ADGRL2: variants seen among roughly 807,000 people sequenced by gnomAD.
ADGRL2 encodes the protein adhesion G protein-coupled receptor L2, also known as calcium-independent alpha-latrotoxin receptor 2.
In ADGRL2, 44 loss-of-function variants were observed where a neutral mutation model predicts 157.4. The ratio of observed to expected loss-of-function variants is 0.28; its 90% CI spans 0.22 to 0.36. ADGRL2 has a LOEUF of 0.36. ADGRL2 is among the 10% of genes least tolerant of loss of function. The probability of loss-of-function intolerance (pLI) is 1.00; values close to 1 mark genes in which losing one functional copy is unlikely to be tolerated. For missense variants in ADGRL2, 1,510 were observed against 1,768.9 expected, an observed-to-expected ratio of 0.85 and a Z score of 2.63; for synonymous variants, 585 against 624.7, an observed-to-expected ratio of 0.94 and a Z score of 0.95.
intron 3 of ADGRL2, among the ~76,000 whole-genome samples, chr1:81,599,647 C>G (rs1318948095): frequency 6.6e-6 from 1 of 152,152 alleles, no homozygotes; most frequent in Admixed American, 6.5e-5. Context: ...AATAATTCAT[C>G]TTTCCATACA....
intron 1 of ADGRL2, among the ~76,000 whole-genome samples, chr1:81,444,601 G>A (rs1047614957): frequency 2.0e-5 from 3 of 152,138 alleles, no homozygotes; most frequent in African/African-American, 4.8e-5. Context: ...ACAGGGTTCC[G>A]AAGAATGGTG....
chr1:81,434,268 T>C (rs2077371651), intron 1 of ADGRL2, among the ~76,000 whole-genome samples: 1 of 152,234 alleles, frequency 6.6e-6, no homozygotes, highest in Admixed American at 6.5e-5. Flanking sequence ...TTAATCTTTG[T>C]AATGTACTCA....
intron 1 of ADGRL2, among the ~76,000 whole-genome samples, chr1:81,346,179 A>ATATAGAAAGTATT (rs1662467466): frequency 6.6e-6 from 1 of 152,154 alleles, no homozygotes; most frequent in Non-Finnish European, 1.5e-5. Context: ...GGAGACACTC[A>ATATAGAAAGTATT]CATGAGAATA....
chr1:81,848,990 C>T (rs1452707180), intron 2 of ADGRL2, among the ~76,000 whole-genome samples: 2 of 151,930 alleles, frequency 1.3e-5, no homozygotes, highest in African/African-American at 2.4e-5. Context: ...TTGCTTACAA[C>T]AGGAAGCTCG....
intron 1 of ADGRL2, among the ~76,000 whole-genome samples, chr1:81,808,873 C>T (rs1051670617): frequency 1.3e-5 from 2 of 152,130 alleles, no homozygotes; most frequent in East Asian, 1.9e-4. Context: ...CAAGCACAAC[C>T]GCTACTCAAA....
chr1:81,503,007 G>A (rs1570304429), intron 2 of ADGRL2: 1 of 1,612,920 alleles, frequency 6.2e-7, no homozygotes, highest in East Asian at 2.2e-5. Flanking sequence ...CTGTGCCCGT[G>A]ACCTTGGCAA....
intron 2 of ADGRL2, among the ~76,000 whole-genome samples, chr1:81,476,750 T>C (rs2101895480): frequency 6.6e-6 from 1 of 152,346 alleles, no homozygotes; most frequent in African/African-American, 2.4e-5. Flanking sequence ...CAGTTTAACC[T>C]GTGATATCCT....
intron 2 of ADGRL2, among the ~76,000 whole-genome samples, chr1:81,526,989 A>G (rs1314698568): frequency 6.6e-6 from 1 of 152,232 alleles, no homozygotes; most frequent in African/African-American, 2.4e-5. Flanking sequence ...TATCAGGTTA[A>G]TGGATCTGTT....
intron 16 of ADGRL2, among the ~76,000 whole-genome samples, chr1:81,971,200 T>G (rs1658624974): frequency 6.6e-6 from 1 of 152,176 alleles, no homozygotes; most frequent in Non-Finnish European, 1.5e-5. Context: ...GCTTTTTGAC[T>G]GTACAGATGA....
intron 6 of ADGRL2, 149 bp from the exon 7 acceptor site, chr1:81,950,040 T>G: frequency 1.5e-6 from 1 of 681,558 alleles, no homozygotes; most frequent in East Asian, 2.5e-5. Context: ...ACGAGCGATA[T>G]TGTCAGTAAT....
chr1:81,672,787 T>C (rs945888522), intron 3 of ADGRL2, among the ~76,000 whole-genome samples: 1 of 152,172 alleles, frequency 6.6e-6, no homozygotes, highest in Admixed American at 6.5e-5. Flanking sequence ...AAAAATAAAA[T>C]GTGAAATATT....
chr1:81,352,462 T>C (rs1448606110), intron 1 of ADGRL2, among the ~76,000 whole-genome samples: 1 of 152,168 alleles, frequency 6.6e-6, no homozygotes, highest in East Asian at 1.9e-4. Context: ...TGAAATTGCA[T>C]ATAGTTTAAG....
intron 1 of ADGRL2, among the ~76,000 whole-genome samples, chr1:81,393,005 ATTGT>A (rs1236216467): frequency 7.9e-5 from 12 of 152,074 alleles, no homozygotes; most frequent in Non-Finnish European, 1.3e-4. Context: ...CACTCTTTTG[ATTGT>A]TTGATAACAT....
chr1:81,802,718 T>C (rs1270408196), intron 1 of ADGRL2, among the ~76,000 whole-genome samples: 1 of 152,148 alleles, frequency 6.6e-6, no homozygotes, highest in Non-Finnish European at 1.5e-5. Context: ...CCGCCCGCTT[T>C]GCCCTCCGGT....
At position 81,747,308 on chromosome 1, in the gene ADGRL2, T is replaced by TA. The variant is rs200008464; in HGVS notation, c.-142-14503_-142-14502insA. On this transcript the variant is annotated intron_variant, in intron 1 of 20. Coordinates refer to the ADGRL2 transcript ENST00000359929. ...GCATACATGTGTATATATATATATA[T>TA]TTTTTTTTTTGAGATGGAGTCTTGC... Among the ~76,000 whole-genome samples, 582 of 116,600 alleles carry TA rather than the reference T, an allele frequency of 5.0e-3. 4 individuals carry two copies. Among genetic ancestry groups the TA allele is most frequent in the African/African-American group, 0.014 (476 of 34,156 alleles). The allele number at this position is 116,600 out of a possible 152,430, so 76.5% of individuals were successfully genotyped here. A position where few individuals can be genotyped will look rare whatever the true frequency, so the allele number is the denominator to read the frequency against.
intron 18 of ADGRL2, chr1:81,980,730 G>T: frequency 1.6e-6 from 1 of 617,932 alleles, no homozygotes; most frequent in South Asian, 2.2e-5. Flanking sequence ...GTAAGAGAGA[G>T]AGCTAATCTT....
intron 1 of ADGRL2, among the ~76,000 whole-genome samples, chr1:81,803,203 C>T (rs2088563406): frequency 6.6e-6 from 1 of 151,962 alleles, no homozygotes; most frequent in Non-Finnish European, 1.5e-5. Context: ...GGGGAGACCC[C>T]CGCGCTGCCC....
At chr1:81,505,298 G>A (rs1260803467) in intron 2 of ADGRL2, among the ~76,000 whole-genome samples, 1 of 151,480 alleles carries the variant, frequency 6.6e-6, no homozygotes, top group African/African-American at 2.4e-5. Context: ...CATCTGGGAC[G>A]TGGTGCCAGT....
At chr1:81,890,176 T>A (rs1056400594) in intron 2 of ADGRL2, among the ~76,000 whole-genome samples, 1 of 152,114 alleles carries the variant, frequency 6.6e-6, no homozygotes, top group Non-Finnish European at 1.5e-5. Flanking sequence ...GAGCTCTTGA[T>A]CCCTATAGGA....
Sources: gnomAD v4.1 joint callset for allele counts (sites outside exome capture counted in the v4.1 genomes callset) on GRCh38, gnomAD v4.1.1 for gene constraint, MANE v1.5 for transcripts, NCBI Gene and HGNC (gene_info 2026-07-23, HGNC 2026-07-21) for gene names.